Variants in MRPL1 observed in about 807,000 individuals in gnomAD.
MRPL1 encodes mitochondrial ribosomal protein L1.
A neutral mutation model predicts 38.0 loss-of-function variants in MRPL1; 28 were observed. The observed-to-expected ratio is 0.74, with a 90% CI of 0.55 to 1.01. The LOEUF (loss-of-function observed/expected upper bound fraction) is 1.01, where lower values mean the gene tolerates loss of function less well. MRPL1 is among the 50% of genes least tolerant of loss of function. MRPL1 has a pLI of 0.00. For missense variants in MRPL1, 358 were observed against 389.8 expected, an observed-to-expected ratio of 0.92 and a Z score of 0.69; for synonymous variants, 123 against 126.7, an observed-to-expected ratio of 0.97 and a Z score of 0.20.
intron 7 of MRPL1, among the ~76,000 whole-genome samples, chr4:77,914,193 C>T (rs1395194776): frequency 6.6e-6 from 1 of 152,044 alleles, no homozygotes; most frequent in African/African-American, 2.4e-5. Context: ...GAATATTATG[C>T]TCAGGGAAAG....
chr4:77,916,015 A>C lies in MRPL1; in HGVS notation c.777+6643A>C, dbSNP rs1029207672. 2.6e-5 allele frequency among the ~76,000 whole-genome samples: 4 copies of C among 152,228 alleles called. No individual in the cohort carries two copies. In the East Asian group the frequency reaches 7.7e-4, roughly 29 times the overall value. On this transcript the variant is annotated intron_variant, in intron 7 of 8. Transcript: ENST00000315567. ...GTCTTAGAGCATAAAACTGAAAATA[A>C]AGAGCTACAGAGGAGAAAAAGTACA...
intron 6 of MRPL1, among the ~76,000 whole-genome samples, chr4:77,906,465 C>T (rs915662698): frequency 1.3e-5 from 2 of 151,816 alleles, no homozygotes; most frequent in African/African-American, 4.8e-5. Flanking sequence ...GATTTTATAG[C>T]AAGTTTGTAA....
intron 7 of MRPL1, among the ~76,000 whole-genome samples, 190 bp from the exon 8 acceptor site, chr4:77,949,607 A>G (rs1367702815): frequency 6.6e-6 from 1 of 152,214 alleles, no homozygotes; most frequent in Non-Finnish European, 1.5e-5. Flanking sequence ...CTATAAATCT[A>G]TTAAATCTTG....
At chr4:77,944,201 T>G (rs1737201274) in intron 7 of MRPL1, among the ~76,000 whole-genome samples, 1 of 152,196 alleles carries the variant, frequency 6.6e-6, no homozygotes, top group Non-Finnish European at 1.5e-5. Flanking sequence ...AGGCTGGTAC[T>G]GGGGCATGTC....
Position 77,928,790 on chromosome 4 carries a change from CTA to C in MRPL1, c.777+19420_777+19421del, listed in dbSNP as rs968417912. Among the ~76,000 whole-genome samples the C allele has an allele frequency of 8.5e-4, 129 of 152,098 alleles. 1 individual carries two copies. The highest frequency in any genetic ancestry group is 3.1e-3 in the African/African-American group (127 of 41,502). On this transcript the variant is annotated intron_variant, in intron 7 of 8. Transcript: ENST00000315567. ...CATTTGAATTATTTTTGATCAAAAA[CTA>C]TTTTTGATCAAAAATAATTTATTAT...
At chr4:77,897,938 T>C (rs1735956051) in intron 6 of MRPL1, among the ~76,000 whole-genome samples, 1 of 152,214 alleles carries the variant, frequency 6.6e-6, no homozygotes, top group South Asian at 2.1e-4. Context: ...GTTACAATTG[T>C]TGTAGATGAA....
intron 7 of MRPL1, among the ~76,000 whole-genome samples, chr4:77,912,801 A>G (rs1736319622): frequency 6.6e-6 from 1 of 152,172 alleles, no homozygotes; most frequent in Non-Finnish European, 1.5e-5. Flanking sequence ...AAGATTTATA[A>G]AGCTGCAGTA....
intron 6 of MRPL1, among the ~76,000 whole-genome samples, chr4:77,895,073 T>A (rs988516932): frequency 3.9e-5 from 6 of 152,110 alleles, no homozygotes; most frequent in Admixed American, 3.9e-4. Flanking sequence ...TGATGCCGTA[T>A]TGAGAAGAAC....
chr4:77,872,548 G>A (rs1427638053), intron 2 of MRPL1, among the ~76,000 whole-genome samples: 2 of 152,128 alleles, frequency 1.3e-5, no homozygotes, highest in Non-Finnish European at 1.5e-5. Flanking sequence ...CCTAGCCAAC[G>A]TGGTGAAACC....
At chr4:77,879,459 G>A (rs902716460) in intron 2 of MRPL1, among the ~76,000 whole-genome samples, 1 of 152,118 alleles carries the variant, frequency 6.6e-6, no homozygotes, top group Non-Finnish European at 1.5e-5. Context: ...GACTCTTTAT[G>A]TATCAGACTT....
chr4:77,910,239 C>T (rs1456426272), intron 7 of MRPL1, among the ~76,000 whole-genome samples: 3 of 152,154 alleles, frequency 2.0e-5, no homozygotes, highest in Non-Finnish European at 4.4e-5. Context: ...AGCATTTGAA[C>T]TTTGGCAGTT....
chr4:77,895,059 A>G (rs1158134238), intron 6 of MRPL1, among the ~76,000 whole-genome samples: 2 of 152,182 alleles, frequency 1.3e-5, no homozygotes, highest in Admixed American at 6.5e-5. Context: ...TTGGAAAGGT[A>G]GATTGATGCC....
At chr4:77,936,126 C>A (rs1212120427) in intron 7 of MRPL1, among the ~76,000 whole-genome samples, 1 of 151,690 alleles carries the variant, frequency 6.6e-6, no homozygotes, top group African/African-American at 2.4e-5. Flanking sequence ...TAATCATTCA[C>A]CATTTTAGTA....
At chr4:77,891,280 TTTC>T (rs58385964) in intron 5 of MRPL1, among the ~76,000 whole-genome samples, 30,105 of 151,668 alleles carry the variant, frequency 0.2, 3,341 homozygotes, top group Admixed American at 0.29. Flanking sequence ...AGCTTTCTAT[TTTC>T]TTCTTGCAAC....
At chr4:77,952,375 A>C (rs986780600) in intron 8 of MRPL1, 114 bp from the exon 9 acceptor site, 29 of 755,286 alleles carry the variant, frequency 3.8e-5, no homozygotes, top group Non-Finnish European at 6.2e-5. Flanking sequence ...TGTTTTGCTT[A>C]AAGTTGCAGT....
At chr4:77,916,847 T>C (rs952301319) in intron 7 of MRPL1, among the ~76,000 whole-genome samples, 2 of 152,158 alleles carry the variant, frequency 1.3e-5, no homozygotes, top group African/African-American at 2.4e-5. Flanking sequence ...TTTATAGAAA[T>C]AGAGTATATG....
chr4:77,883,839 A>G (rs1487063030), intron 3 of MRPL1, among the ~76,000 whole-genome samples: 1 of 152,104 alleles, frequency 6.6e-6, no homozygotes, highest in Non-Finnish European at 1.5e-5. Flanking sequence ...TGGCCTCCCA[A>G]AGTGCTGGGA....
intron 7 of MRPL1, among the ~76,000 whole-genome samples, chr4:77,921,055 G>A (rs1337016852): frequency 2.6e-5 from 4 of 152,074 alleles, no homozygotes; most frequent in African/African-American, 4.8e-5. Flanking sequence ...CACTGCGCCC[G>A]GCCCCATTCA....
At chr4:77,913,135 A>G (rs1736327950) in intron 7 of MRPL1, among the ~76,000 whole-genome samples, 1 of 152,118 alleles carries the variant, frequency 6.6e-6, no homozygotes, top group South Asian at 2.1e-4. Context: ...TAGATAAGAC[A>G]TGAAAAGCAT....
Sources: allele counts gnomAD v4.1 joint callset (sites outside exome capture counted in the v4.1 genomes callset), GRCh38; gene constraint gnomAD v4.1.1; transcripts MANE v1.5; gene names NCBI Gene and HGNC (gene_info 2026-07-23, HGNC 2026-07-21).